The following IGSF11 variants were observed in gnomAD, a reference collection of about 807,000 sequenced individuals.
The protein encoded by IGSF11 is immunoglobulin superfamily member 11, also known as CXADR like 1.
In IGSF11, 22 loss-of-function variants were observed where a neutral mutation model predicts 41.0. That is an observed-to-expected ratio of 0.54 (90% CI 0.38 to 0.77). IGSF11 has a LOEUF of 0.77. IGSF11 is among the 30% of genes least tolerant of loss of function. The pLI is 0.00. For missense variants in IGSF11, 444 were observed against 530.8 expected, an observed-to-expected ratio of 0.84 and a Z score of 1.61; for synonymous variants, 219 against 201.3, an observed-to-expected ratio of 1.09 and a Z score of -0.74.
At chr3:118,993,776 C>G (rs923275396) in intron 1 of IGSF11, among the ~76,000 whole-genome samples, 4 of 152,118 alleles carry the variant, frequency 2.6e-5, no homozygotes, top group African/African-American at 9.7e-5. Context: ...TGTGGCATGA[C>G]TACATTGATA....
At chr3:119,061,347 A>T (rs934872553) in intron 1 of IGSF11, among the ~76,000 whole-genome samples, 1 of 152,054 alleles carries the variant, frequency 6.6e-6, no homozygotes, top group African/African-American at 2.4e-5. Context: ...TTTGCCTTGG[A>T]CTATATCAAG....
At chr3:118,924,859 A>G (rs1371655703) in intron 4 of IGSF11, among the ~76,000 whole-genome samples, 1 of 152,130 alleles carries the variant, frequency 6.6e-6, no homozygotes, top group Non-Finnish European at 1.5e-5. Flanking sequence ...AAAAGCAACA[A>G]GGGCCCAGAG....
intron 1 of IGSF11, among the ~76,000 whole-genome samples, chr3:119,137,949 A>G (rs958619516): frequency 6.7e-6 from 1 of 148,898 alleles, no homozygotes; most frequent in African/African-American, 2.5e-5. Context: ...AAACTGGCAT[A>G]TGAAAAAGTG....
At chr3:119,071,998 T>C (rs1275595049) in intron 1 of IGSF11, among the ~76,000 whole-genome samples, 1 of 152,220 alleles carries the variant, frequency 6.6e-6, no homozygotes, top group Non-Finnish European at 1.5e-5. Flanking sequence ...AGGTATTCTT[T>C]AATTTCTTCA....
chr3:119,125,056 G>A (rs2077383974), intron 1 of IGSF11, among the ~76,000 whole-genome samples: 1 of 152,228 alleles, frequency 6.6e-6, no homozygotes, highest in South Asian at 2.1e-4. Flanking sequence ...TAGTATATCT[G>A]GCAAAAATGT....
chr3:119,111,913 G>A (rs575757340), intron 1 of IGSF11, among the ~76,000 whole-genome samples: 21 of 152,306 alleles, frequency 1.4e-4, no homozygotes, highest in East Asian at 1.2e-3. Context: ...GCGGATTTTC[G>A]TGAACCACGA....
intron 1 of IGSF11, among the ~76,000 whole-genome samples, chr3:119,090,561 A>G (rs2076746730): frequency 6.6e-6 from 1 of 152,196 alleles, no homozygotes; most frequent in Non-Finnish European, 1.5e-5. Context: ...ACAGAATTTA[A>G]AAACTCAGAA....
chr3:119,118,163 C>T (rs1255246438), intron 1 of IGSF11, among the ~76,000 whole-genome samples: 1 of 152,186 alleles, frequency 6.6e-6, no homozygotes, highest in Non-Finnish European at 1.5e-5. Flanking sequence ...TGGCAGTGCC[C>T]CAGTAGGGAC....
intron 1 of IGSF11, among the ~76,000 whole-genome samples, chr3:119,001,475 T>C (rs889355659): frequency 1.4e-4 from 21 of 150,326 alleles, no homozygotes; most frequent in African/African-American, 5.1e-4. Flanking sequence ...TTCTTTTTTT[T>C]TTTTTTTTAT....
In IGSF11 at chr3:118,925,831, G is replaced by A. The variant is rs189239102; in HGVS notation, c.580+270C>T. ...ATTATCTTACAGTTAACACAAAGAA[G>A]CTATCATTTAGGTGCTTTAAATCTT... On this transcript the variant is annotated intron_variant, in intron 4 of 6. Coordinates refer to ENST00000393775, the MANE Select transcript of IGSF11 (RefSeq NM_001015887.3). The A allele has an allele frequency of 6.2e-3, 1,283 of 205,426 alleles. 4 individuals are homozygous for A. The highest frequency in any genetic ancestry group is 9.6e-3 in the Non-Finnish European group (988 of 103,288). 12.7% of individuals were successfully genotyped at this position (205,426 alleles called of 1,614,324 possible). A position where few individuals can be genotyped will look rare whatever the true frequency, so the allele number is the denominator to read the frequency against.
chr3:119,110,927 C>G (rs1400060744), intron 1 of IGSF11, among the ~76,000 whole-genome samples: 1 of 151,852 alleles, frequency 6.6e-6, no homozygotes, highest in African/African-American at 2.4e-5. Context: ...CCCCCACTCT[C>G]TTCTGGCTTG....
chr3:118,998,025 A>C (rs10934470), intron 1 of IGSF11, among the ~76,000 whole-genome samples: 61,910 of 151,998 alleles, frequency 0.41, 15,294 homozygotes, highest in African/African-American at 0.7. Flanking sequence ...GTATACAAAC[A>C]CTTCAAGTTT....
At chr3:119,136,922 T>G (rs2077570914) in intron 1 of IGSF11, among the ~76,000 whole-genome samples, 1 of 152,116 alleles carries the variant, frequency 6.6e-6, no homozygotes, top group Admixed American at 6.6e-5. Flanking sequence ...CCAGTAGCAT[T>G]TCTATGTGCC....
intron 1 of IGSF11, among the ~76,000 whole-genome samples, chr3:119,135,867 G>A (rs2077554221): frequency 6.6e-6 from 1 of 152,168 alleles, no homozygotes; most frequent in African/African-American, 2.4e-5. Flanking sequence ...TATACACCAT[G>A]GAATACTATG....
chr3:119,110,303 G>A (rs899244265), intron 1 of IGSF11, among the ~76,000 whole-genome samples: 1 of 151,902 alleles, frequency 6.6e-6, no homozygotes, highest in Non-Finnish European at 1.5e-5. Context: ...ATTTAGGATA[G>A]TTAGCTCTTC....
chr3:119,115,931 A>G (rs1393603066), intron 1 of IGSF11, among the ~76,000 whole-genome samples: 1 of 152,226 alleles, frequency 6.6e-6, no homozygotes, highest in African/African-American at 2.4e-5. Flanking sequence ...TTAGGAAAAC[A>G]TTTTAAGTCT....
In IGSF11 at chr3:119,022,325, T is replaced by C. The variant is rs180769548; in HGVS notation, c.52+12206A>G. ...TAGTTATAGATTTTGTTTAGGGTAATGTAAAAGTGTTGGAAATAGCGGTGA... is the reference window on the plus strand; with the variant it reads ...TAGTTATAGATTTTGTTTAGGGTAACGTAAAAGTGTTGGAAATAGCGGTGA... On this transcript the variant is annotated intron_variant, in intron 1 of 6. Coordinates refer to ENST00000393775, the MANE Select transcript of IGSF11 (RefSeq NM_001015887.3). Among the ~76,000 whole-genome samples, 8 of 152,306 alleles carry C rather than the reference T, an allele frequency of 5.3e-5. No homozygotes were observed. The East Asian group carries it at 7.7e-4, about 15-fold the overall frequency.
intron 4 of IGSF11, among the ~76,000 whole-genome samples, chr3:118,924,149 T>C (rs1432621361): frequency 6.6e-6 from 1 of 151,614 alleles, no homozygotes; most frequent in Non-Finnish European, 1.5e-5. Flanking sequence ...GTGATTCTTA[T>C]TTTATTCTAT....
chr3:119,033,388 T>C (rs184181291), intron 1 of IGSF11, among the ~76,000 whole-genome samples: 370 of 152,314 alleles, frequency 2.4e-3, no homozygotes, highest in African/African-American at 8.6e-3. Context: ...GTTCATAACA[T>C]GGACATATTG....
Sources: allele counts gnomAD v4.1 joint callset (sites outside exome capture counted in the v4.1 genomes callset), GRCh38; gene constraint gnomAD v4.1.1; transcripts MANE v1.5; gene names NCBI Gene and HGNC (gene_info 2026-07-23, HGNC 2026-07-21).